Variants in TENM1 observed in about 807,000 individuals in gnomAD.
The protein encoded by TENM1 is teneurin transmembrane protein 1.
TENM1 carries 35 observed loss-of-function variants against 174.8 expected under a neutral mutation model. The ratio of observed to expected loss-of-function variants is 0.20; its 90% CI spans 0.15 to 0.27. The LOEUF is 0.27. Among genes scored for constraint, TENM1 ranks in the 10% least tolerant of loss-of-function variants. The pLI is 1.00. For missense variants in TENM1, 1,633 were observed against 2,130.1 expected (o/e 0.77, Z 4.59); for synonymous variants, 781 against 798.7 (o/e 0.98, Z 0.37).
intron 3 of TENM1, among the ~76,000 whole-genome samples, chrX:124,774,101 G>C (rs775710355): frequency 8.9e-6 from 1 of 112,162 alleles, no homozygotes; most frequent in South Asian, 3.7e-4. Flanking sequence ...CTCTTGTTTA[G>C]AGACTGTAAA....
At chrX:124,827,296 G>A (rs755128787) in intron 3 of TENM1, among the ~76,000 whole-genome samples, 6 of 111,623 alleles carry the variant, frequency 5.4e-5, no homozygotes, top group South Asian at 3.8e-4. Context: ...TGATCTGCCC[G>A]CCTCGGCTTC....
intron 1 of TENM1, among the ~76,000 whole-genome samples, chrX:124,913,899 C>T (rs1463204981): frequency 8.9e-6 from 1 of 111,833 alleles, no homozygotes; most frequent in African/African-American, 3.2e-5. Context: ...TATTCTAGTG[C>T]TTGTCCTGTG....
intron 23 of TENM1, among the ~76,000 whole-genome samples, chrX:124,453,011 A>T (rs1018061122): frequency 2.7e-5 from 3 of 110,915 alleles, no homozygotes; most frequent in African/African-American, 9.9e-5. Flanking sequence ...AAAGTATAAT[A>T]AAAAAAATAA....
chrX:125,020,672 TCAC>T, the TENM1 span, among the ~76,000 whole-genome samples: 1 of 110,864 alleles, frequency 9.0e-6, no homozygotes, highest in African/African-American at 3.3e-5. Context: ...TGCATTTAAA[TCAC>T]CATTTCACTT....
At chrX:124,421,405 A>C (rs182023957) in intron 24 of TENM1, among the ~76,000 whole-genome samples, 1 of 112,259 alleles carries the variant, frequency 8.9e-6, no homozygotes, top group East Asian at 2.8e-4. Flanking sequence ...TATTGATCAA[A>C]AGTCATATTG....
the TENM1 span, among the ~76,000 whole-genome samples, chrX:125,107,944 C>T: frequency 8.9e-6 from 1 of 111,856 alleles, no homozygotes; most frequent in Non-Finnish European, 1.9e-5. Context: ...ATATTCTGTC[C>T]AGACCTTTCG....
intron 3 of TENM1, among the ~76,000 whole-genome samples, chrX:124,789,247 G>T (rs1483840418): frequency 4.5e-5 from 5 of 110,243 alleles, no homozygotes; most frequent in African/African-American, 1.7e-4. Flanking sequence ...GGGGGTCCTG[G>T]ACCTGGCCCA....
At chrX:124,843,491 C>A (rs1260935027) in intron 3 of TENM1, among the ~76,000 whole-genome samples, 1 of 111,253 alleles carries the variant, frequency 9.0e-6, no homozygotes, top group Non-Finnish European at 1.9e-5. Flanking sequence ...CCCCTCCCTA[C>A]TCCTTTCACC....
intron 23 of TENM1, among the ~76,000 whole-genome samples, chrX:124,431,240 G>A (rs943314177): frequency 2.7e-5 from 3 of 112,481 alleles, no homozygotes; most frequent in African/African-American, 9.7e-5. Flanking sequence ...CAAAGTTCAA[G>A]TGTGCTGAAG....
intron 3 of TENM1, among the ~76,000 whole-genome samples, chrX:124,756,954 T>C (rs1435788243): frequency 4.5e-5 from 5 of 112,247 alleles, no homozygotes; most frequent in Non-Finnish European, 7.5e-5. Context: ...AGGGACCCAC[T>C]TGAGGAGGCA....
chrX:124,381,828 AAAGAG>A (rs2060160640), intron 31 of TENM1, among the ~76,000 whole-genome samples: 1 of 112,023 alleles, frequency 8.9e-6, no homozygotes, highest in Middle Eastern at 4.6e-3. Flanking sequence ...ACTAAGAAAT[AAAGAG>A]AAAAGACTAA....
chrX:125,040,636 G>A, the TENM1 span, among the ~76,000 whole-genome samples: 1 of 111,265 alleles, frequency 9.0e-6, no homozygotes, highest in East Asian at 2.8e-4. Context: ...CTAGATGTAT[G>A]TTATATCATC....
intron 24 of TENM1, among the ~76,000 whole-genome samples, chrX:124,421,308 C>G (rs1390483919): frequency 8.9e-6 from 1 of 112,062 alleles, no homozygotes; most frequent in African/African-American, 3.2e-5. Flanking sequence ...AATTTGATAC[C>G]TGGAATAAAC....
At chrX:124,959,099 G>A (rs1171562752) in intron 1 of TENM1, among the ~76,000 whole-genome samples, 1 of 111,396 alleles carries the variant, frequency 9.0e-6, no homozygotes, top group Non-Finnish European at 1.9e-5. Flanking sequence ...CTTGGTTGAT[G>A]CAAGATTCAA....
At chrX:125,031,017 G>A in the TENM1 span, among the ~76,000 whole-genome samples, 3 of 110,221 alleles carry the variant, frequency 2.7e-5, no homozygotes, top group Non-Finnish European at 5.7e-5. Flanking sequence ...TGTTACCTAG[G>A]TATATTGCAT....
At chrX:124,887,099 C>T (rs1220533963) in intron 3 of TENM1, among the ~76,000 whole-genome samples, 1 of 110,529 alleles carries the variant, frequency 9.0e-6, no homozygotes, top group African/African-American at 3.3e-5. Flanking sequence ...CATATATTTT[C>T]AACCCATCAT....
intron 3 of TENM1, among the ~76,000 whole-genome samples, chrX:124,803,747 G>T (rs1451629419): frequency 2.7e-5 from 3 of 112,089 alleles, no homozygotes; most frequent in African/African-American, 9.7e-5. Context: ...GTAAGAAATA[G>T]AAAAATTTTT....
chrX:124,584,981 G>T (rs1243997211), intron 11 of TENM1, among the ~76,000 whole-genome samples: 1 of 109,764 alleles, frequency 9.1e-6, no homozygotes, highest in African/African-American at 3.4e-5. Flanking sequence ...AACAAGAAGG[G>T]CTAACTATCC....
intron 3 of TENM1, among the ~76,000 whole-genome samples, chrX:124,751,125 G>A (rs1218579689): frequency 3.6e-5 from 4 of 111,467 alleles, no homozygotes; most frequent in Non-Finnish European, 7.5e-5. Flanking sequence ...TGATGGGCTT[G>A]CTTTAAAAAG....
Sources: gnomAD v4.1 joint callset for allele counts (sites outside exome capture counted in the v4.1 genomes callset) on GRCh38, gnomAD v4.1.1 for gene constraint, MANE v1.5 for transcripts, NCBI Gene and HGNC (gene_info 2026-07-23, HGNC 2026-07-21) for gene names.